The following ANAPC4 variants were observed in gnomAD, a reference collection of about 807,000 sequenced individuals.
The protein encoded by ANAPC4 is anaphase promoting complex subunit 4, also known as anaphase-promoting complex subunit 4.
Under a neutral mutation model 119.8 loss-of-function variants are expected in ANAPC4, and 63 were observed. The observed-to-expected ratio is 0.53, with a 90% CI of 0.43 to 0.65. The LOEUF (loss-of-function observed/expected upper bound fraction) is 0.65. Among genes scored for constraint, ANAPC4 ranks in the 30% least tolerant of loss-of-function variants. ANAPC4 has a pLI of 0.00. For synonymous variants in ANAPC4, 283 were observed against 318.6 expected, an observed-to-expected ratio of 0.89 and a Z score of 1.19; for missense variants, 716 against 945.1, an observed-to-expected ratio of 0.76 and a Z score of 3.18.
intron 24 of ANAPC4, 32 bp downstream of exon 24, chr4:25,414,536 AACAAT>A (rs1560449306): frequency 6.3e-7 from 1 of 1,584,806 alleles, no homozygotes; most frequent in East Asian, 2.3e-5. Context: ...ATCTTGAGTG[AACAAT>A]ACAATTTTGT....
intron 20 of ANAPC4, among the ~76,000 whole-genome samples, chr4:25,407,560 C>A (rs572875022): frequency 1.3e-5 from 2 of 151,712 alleles, no homozygotes; most frequent in East Asian, 3.9e-4. Flanking sequence ...CAAGATCAAG[C>A]CACTGCACTT....
At chr4:25,417,887 G>A in intron 28 of ANAPC4, 148 bp downstream of exon 28, 1 of 1,133,740 alleles carries the variant, frequency 8.8e-7, no homozygotes, top group African/African-American at 1.6e-5. Flanking sequence ...ATGATCATGT[G>A]GTGGCCTTAG....
At chr4:25,415,779 C>A (rs1723835644) in intron 26 of ANAPC4, 3 of 366,702 alleles carry the variant, frequency 8.2e-6, no homozygotes, top group Non-Finnish European at 4.8e-6. Context: ...TACTCCTGAG[C>A]TCCCTGTTGA....
In ANAPC4 at chr4:25,418,489, T is replaced by A. The variant is rs1026161473; in HGVS notation, c.*107T>A. On this transcript the variant is annotated 3_prime_UTR_variant, in exon 29 of 29. Coordinates refer to ENST00000315368, the MANE Select transcript of ANAPC4 (RefSeq NM_013367.3). ...TAACAAAGAAATAAACAGTAAATTTTATTTTTTCATATTCTGCTTCATCTT... is the reference window on the plus strand; with the variant it reads ...TAACAAAGAAATAAACAGTAAATTTAATTTTTTCATATTCTGCTTCATCTT... 1 of 861,088 alleles carries A rather than the reference T, an allele frequency of 1.2e-6. No homozygotes were observed. Among genetic ancestry groups the A allele is most frequent in the Non-Finnish European group, 1.8e-6 (1 of 565,754 alleles). The allele number at this position is 861,088 out of a possible 1,614,324, so 53.3% of individuals were successfully genotyped here.
At chr4:25,414,173 T>TA (rs1465457514) in intron 22 of ANAPC4, 151 bp from the exon 23 acceptor site, 6 of 572,020 alleles carry the variant, frequency 1.0e-5, no homozygotes, top group East Asian at 3.1e-5. Context: ...TCCTTACTGT[T>TA]ACAATTGTCA....
chr4:25,409,193 A>G (rs1367209027), intron 20 of ANAPC4, among the ~76,000 whole-genome samples: 2 of 152,336 alleles, frequency 1.3e-5, no homozygotes, highest in East Asian at 3.9e-4. Flanking sequence ...CACTTGAAGA[A>G]CAACTGCCAT....
intron 22 of ANAPC4, chr4:25,414,060 G>A: frequency 2.2e-6 from 1 of 463,206 alleles, no homozygotes; most frequent in African/African-American, 2.0e-5. Flanking sequence ...GCTTACTACT[G>A]AAGGATGTGA....
At chr4:25,404,091 A>G (rs1723125303) in intron 17 of ANAPC4, among the ~76,000 whole-genome samples, 1 of 152,228 alleles carries the variant, frequency 6.6e-6, no homozygotes, top group African/African-American at 2.4e-5. Context: ...ATAGAATGAA[A>G]ATTACCTGTA....
intron 20 of ANAPC4, among the ~76,000 whole-genome samples, chr4:25,408,123 A>G (rs1310142545): frequency 1.3e-5 from 2 of 152,194 alleles, no homozygotes; most frequent in Non-Finnish European, 2.9e-5. Flanking sequence ...ATCAGTGTAT[A>G]TGAAAAAAGT....
At chr4:25,392,452 A>G (rs747116281) in intron 10 of ANAPC4, 31 bp downstream of exon 10, 5 of 1,553,926 alleles carry the variant, frequency 3.2e-6, no homozygotes, top group Non-Finnish European at 4.4e-6. Context: ...TTATGTGAAT[A>G]TTTATTATCG....
chr4:25,402,997 T>G lies in ANAPC4; in HGVS notation c.1241T>G (p.Phe414Cys), dbSNP rs1190344827. 1 of 1,602,636 alleles carries G rather than the reference T, an allele frequency of 6.2e-7. No individual in the cohort carries two copies. The highest frequency in any genetic ancestry group is 8.5e-7 in the Non-Finnish European group (1 of 1,172,366). The change falls in exon 17 of 29, where the codon TTC (phenylalanine) becomes TGC (cysteine). Residue 414 changes from phenylalanine (F) to cysteine (C), a missense_variant. Physicochemically the swap from Phe to Cys is radical, Grantham distance 205 (BLOSUM62 -2). Transcript: ENST00000315368. Reference protein sequence around the residue: ...LQVIDSSMKNFKAFFRWLYVA... With the variant: ...LQVIDSSMKNCKAFFRWLYVA... The stretch of plus-strand genomic sequence containing the variant: ...GTTATAGATAGTAGTATGAAAAACT[T>G]CAAAGCATTTTTTCGGTGGCTTTAT...
At chr4:25,380,657 A>G (rs1238922807) in intron 3 of ANAPC4, 178 bp downstream of exon 3, 3 of 428,938 alleles carry the variant, frequency 7.0e-6, no homozygotes, top group Middle Eastern at 6.3e-4. Flanking sequence ...TAATTCTGCT[A>G]TCTTGTTTCT....
chr4:25,401,210 GGTT>G (rs1472111238), intron 16 of ANAPC4, among the ~76,000 whole-genome samples: 34 of 152,172 alleles, frequency 2.2e-4, no homozygotes, highest in Non-Finnish European at 4.0e-4. Flanking sequence ...CTCCTTGCAA[GGTT>G]TCTTTAAATA....
At chr4:25,397,950 G>A (rs1328684250) in intron 16 of ANAPC4, among the ~76,000 whole-genome samples, 1 of 151,118 alleles carries the variant, frequency 6.6e-6, no homozygotes. Flanking sequence ...ATTTATTTTT[G>A]CGATGGGGTC....
chr4:25,404,617 C>T (rs1283018572), intron 17 of ANAPC4, among the ~76,000 whole-genome samples: 1 of 151,930 alleles, frequency 6.6e-6, no homozygotes. Context: ...TACTCTTATT[C>T]AGGATTAGGA....
intron 16 of ANAPC4, among the ~76,000 whole-genome samples, chr4:25,398,338 T>C (rs2109127886): frequency 6.6e-6 from 1 of 152,148 alleles, no homozygotes; most frequent in South Asian, 2.1e-4. Flanking sequence ...GATTCAACTT[T>C]ATATAGGTGG....
In ANAPC4 at chr4:25,388,543, C is replaced by T. The variant is rs767053276; in HGVS notation, c.412C>T (p.Leu138Phe). The change falls in exon 5 of 29, where the codon CTC becomes TTC. Residue 138 changes from leucine (L) to phenylalanine (F), a missense_variant. Transcript: ENST00000315368. Reference sequence around the variant, plus strand: ...TAATGCTGAGGATGAATCAAATCTTCTCTTACCTAAACTACCTACACTGCC... The same window carrying T: ...TAATGCTGAGGATGAATCAAATCTTTTCTTACCTAAACTACCTACACTGCC... ...FYNAEDESNL[L>F]LPKLPTLPKN... 6.2e-7 allele frequency: 1 copy of T among 1,605,742 alleles called. No individual in the cohort carries two copies. Among genetic ancestry groups the T allele is most frequent in the Non-Finnish European group, 8.5e-7 (1 of 1,173,146 alleles).
At chr4:25,396,370 T>C (rs527342388) in intron 14 of ANAPC4, among the ~76,000 whole-genome samples, 1 of 152,334 alleles carries the variant, frequency 6.6e-6, no homozygotes, top group South Asian at 2.1e-4. Flanking sequence ...GACTGTGTAG[T>C]AGTTGGGTGA....
intron 16 of ANAPC4, among the ~76,000 whole-genome samples, chr4:25,401,211 G>A (rs1369386795): frequency 6.6e-6 from 1 of 152,000 alleles, no homozygotes; most frequent in Non-Finnish European, 1.5e-5. Context: ...TCCTTGCAAG[G>A]TTTCTTTAAA....
Sources: allele counts gnomAD v4.1 joint callset (sites outside exome capture counted in the v4.1 genomes callset), GRCh38; gene constraint gnomAD v4.1.1; transcripts MANE v1.5; gene names NCBI Gene and HGNC (gene_info 2026-07-23, HGNC 2026-07-21).